THSD4: variants seen among roughly 807,000 people sequenced by gnomAD.
THSD4 encodes thrombospondin type 1 domain containing 4.
THSD4 carries 69 observed loss-of-function variants against 119.0 expected under a neutral mutation model. The ratio of observed to expected loss-of-function variants is 0.58; its 90% CI spans 0.48 to 0.71. The LOEUF (loss-of-function observed/expected upper bound fraction) is 0.71. THSD4 is among the 30% of genes least tolerant of loss of function. The pLI is 0.00. For synonymous variants in THSD4, 524 were observed against 540.4 expected (o/e 0.97, Z 0.42); for missense variants, 1,393 against 1,391.1 (o/e 1.00, Z -0.02).
At chr15:71,289,007 T>TA (rs1416470054) in intron 6 of THSD4, among the ~76,000 whole-genome samples, 1 of 152,188 alleles carries the variant, frequency 6.6e-6, no homozygotes, top group African/African-American at 2.4e-5. Flanking sequence ...GGAAGATAGC[T>TA]AAATGTTGCT....
chr15:71,761,933 C>T (rs991237096), intron 15 of THSD4, among the ~76,000 whole-genome samples: 22 of 152,296 alleles, frequency 1.4e-4, no homozygotes, highest in African/African-American at 5.1e-4. Flanking sequence ...CACTCATTGT[C>T]CTGAGGCCTC....
Position 71,728,884 on chromosome 15 carries a change from T to C in THSD4, c.1533+160T>C, listed in dbSNP as rs949765482. ...ACTCCTTGAATGCTTGGCGTTCATC[T>C]TTGCCTTTACTTCTGAATGGGCCCA... On this transcript the variant is annotated intron_variant, in intron 9 of 17. Transcript: ENST00000261862. 6 of 912,614 alleles carry C rather than the reference T, an allele frequency of 6.6e-6. No individual in the cohort carries two copies. In the Admixed American group the frequency reaches 1.3e-4, roughly 20 times the overall value. The allele number at this position is 912,614 out of a possible 1,614,324, so 56.5% of individuals were successfully genotyped here. A position where few individuals can be genotyped will look rare whatever the true frequency, so the allele number is the denominator to read the frequency against.
intron 1 of THSD4, among the ~76,000 whole-genome samples, chr15:71,122,408 C>T (rs978354663): frequency 1.3e-5 from 2 of 152,200 alleles, no homozygotes; most frequent in Non-Finnish European, 2.9e-5. Context: ...GACTCCAAAA[C>T]AAATACTGGC....
intron 3 of THSD4, among the ~76,000 whole-genome samples, chr15:71,180,608 G>T (rs749344680): frequency 4.6e-5 from 7 of 152,076 alleles, no homozygotes; most frequent in Non-Finnish European, 7.4e-5. Flanking sequence ...ATGAACTACT[G>T]ATATAAGCAA....
intron 7 of THSD4, among the ~76,000 whole-genome samples, chr15:71,467,889 G>A (rs1288088527): frequency 2.1e-5 from 3 of 142,504 alleles, no homozygotes; most frequent in South Asian, 2.2e-4. Context: ...TGCTCTTGTC[G>A]CCCAGCTGCA....
chr15:71,214,678 G>A (rs1167163599), intron 3 of THSD4, among the ~76,000 whole-genome samples: 1 of 152,228 alleles, frequency 6.6e-6, no homozygotes, highest in Non-Finnish European at 1.5e-5. Context: ...CTTTCCGGCA[G>A]GGTGACACAA....
intron 6 of THSD4, among the ~76,000 whole-genome samples, chr15:71,403,989 A>G (rs1441489961): frequency 6.6e-6 from 1 of 152,150 alleles, no homozygotes; most frequent in Non-Finnish European, 1.5e-5. Context: ...TTTCCTGGGC[A>G]CTTGATAGAC....
chr15:71,527,248 A>G (rs1328506040), intron 7 of THSD4, among the ~76,000 whole-genome samples: 1 of 152,164 alleles, frequency 6.6e-6, no homozygotes, highest in Admixed American at 6.5e-5. Flanking sequence ...CAGAACTGGG[A>G]GAAATAAATT....
intron 7 of THSD4, among the ~76,000 whole-genome samples, chr15:71,583,372 G>A (rs1484748936): frequency 6.6e-6 from 1 of 151,354 alleles, no homozygotes; most frequent in Middle Eastern, 3.2e-3. Flanking sequence ...TAGTTTCATT[G>A]ATCTTTCTGT....
intron 5 of THSD4, among the ~76,000 whole-genome samples, chr15:71,250,567 T>C (rs1215584743): frequency 2.0e-5 from 3 of 152,098 alleles, no homozygotes; most frequent in Non-Finnish European, 4.4e-5. Context: ...ATGCTCCCAA[T>C]TTAGCCTCCC....
chr15:71,569,312 A>C (rs1173187295), intron 7 of THSD4, among the ~76,000 whole-genome samples: 2 of 152,174 alleles, frequency 1.3e-5, no homozygotes, highest in African/African-American at 4.8e-5. Flanking sequence ...AGGGAGGAAA[A>C]GAAGAAAGAG....
intron 8 of THSD4, among the ~76,000 whole-genome samples, chr15:71,725,485 A>G (rs1459624965): frequency 3.3e-5 from 5 of 152,212 alleles, no homozygotes; most frequent in Non-Finnish European, 1.5e-5. Context: ...AGAAATTCTG[A>G]TATTTAATAG....
chr15:71,757,798 G>C (rs2053567418), intron 14 of THSD4, 104 bp from the exon 15 acceptor site: 2 of 1,449,036 alleles, frequency 1.4e-6, no homozygotes, highest in African/African-American at 2.8e-5. Context: ...AGGGGAAACA[G>C]ACGGCAGGAA....
intron 3 of THSD4, among the ~76,000 whole-genome samples, chr15:71,206,723 G>A (rs765298284): frequency 1.4e-4 from 22 of 152,158 alleles, no homozygotes; most frequent in Non-Finnish European, 2.5e-4. Flanking sequence ...TACTGGTGGC[G>A]ATGAGAAATT....
intron 7 of THSD4, among the ~76,000 whole-genome samples, chr15:71,459,386 C>G (rs560913036): frequency 7.2e-6 from 1 of 138,362 alleles, no homozygotes; most frequent in African/African-American, 2.5e-5. Context: ...CTCTGTCTCT[C>G]TCTCTCTCTC....
intron 7 of THSD4, among the ~76,000 whole-genome samples, chr15:71,475,585 G>A (rs2047644536): frequency 6.6e-6 from 1 of 152,096 alleles, no homozygotes; most frequent in African/African-American, 2.4e-5. Flanking sequence ...GCTGCTGCTG[G>A]TCCAAGGACC....
chr15:71,438,138 G>GCCCTCA (rs1366757431), intron 7 of THSD4, among the ~76,000 whole-genome samples: 1 of 151,984 alleles, frequency 6.6e-6, no homozygotes, highest in African/African-American at 2.4e-5. Context: ...CCTCGCCCTC[G>GCCCTCA]CCCTCACCCT....
intron 7 of THSD4, among the ~76,000 whole-genome samples, chr15:71,635,481 T>C (rs1433158603): frequency 2.0e-5 from 3 of 152,186 alleles, no homozygotes; most frequent in African/African-American, 7.2e-5. Flanking sequence ...CTTGATTTTC[T>C]TTGAAAGAAA....
At chr15:71,774,875 C>T (rs1198898293) in intron 17 of THSD4, among the ~76,000 whole-genome samples, 2 of 152,096 alleles carry the variant, frequency 1.3e-5, no homozygotes, top group Non-Finnish European at 2.9e-5. Flanking sequence ...AGCTGGGCGA[C>T]GTGACTCACA....
Sources: gnomAD v4.1 joint callset for allele counts (sites outside exome capture counted in the v4.1 genomes callset) on GRCh38, gnomAD v4.1.1 for gene constraint, MANE v1.5 for transcripts, NCBI Gene and HGNC (gene_info 2026-07-23, HGNC 2026-07-21) for gene names.